GIPC2: variants seen among roughly 807,000 people sequenced by gnomAD.
GIPC2 encodes the protein PDZ domain-containing protein GIPC2.
GIPC2 carries 30 observed loss-of-function variants against 30.6 expected under a neutral mutation model. That is an observed-to-expected ratio of 0.98 (90% confidence interval 0.73 to 1.33). The LOEUF (loss-of-function observed/expected upper bound fraction) is 1.33. Among genes scored for constraint, GIPC2 ranks in the 40% most tolerant of loss-of-function variants. GIPC2 has a pLI of 0.00. For missense variants in GIPC2, 414 were observed against 390.3 expected (o/e 1.06, Z -0.51); for synonymous variants, 167 against 150.0 (o/e 1.11, Z -0.83).
intron 4 of GIPC2, among the ~76,000 whole-genome samples, chr1:78,123,651 A>G (rs1423698840): frequency 6.6e-6 from 1 of 152,218 alleles, no homozygotes; most frequent in East Asian, 1.9e-4. Context: ...ATCAGAAAAG[A>G]TGAGGACTAA....
chr1:78,123,027 A>T (rs1035120093), intron 4 of GIPC2, among the ~76,000 whole-genome samples: 1 of 152,076 alleles, frequency 6.6e-6, no homozygotes, highest in Non-Finnish European at 1.5e-5. Context: ...TGGAAGACTG[A>T]TGTGGGTGGG....
intron 1 of GIPC2, among the ~76,000 whole-genome samples, chr1:78,068,818 T>C (rs1661566910): frequency 6.6e-6 from 1 of 152,120 alleles, no homozygotes; most frequent in Non-Finnish European, 1.5e-5. Flanking sequence ...CTCATAAAAA[T>C]AGAAGCAGGT....
intron 3 of GIPC2, 32 bp downstream of exon 3, chr1:78,095,164 A>C: frequency 6.7e-7 from 1 of 1,489,066 alleles, no homozygotes; most frequent in South Asian, 1.2e-5. Context: ...GGGTGTGTGA[A>C]ATGTTTGCTT....
chr1:78,079,946 A>G (rs953196276), intron 1 of GIPC2, among the ~76,000 whole-genome samples: 1 of 152,070 alleles, frequency 6.6e-6, no homozygotes, highest in Non-Finnish European at 1.5e-5. Flanking sequence ...TTACTGTCAC[A>G]TGAATTGGTA....
chr1:78,075,096 T>G (rs1333606127), intron 1 of GIPC2, among the ~76,000 whole-genome samples: 1 of 152,206 alleles, frequency 6.6e-6, no homozygotes, highest in East Asian at 1.9e-4. Flanking sequence ...CAGCGTGTTT[T>G]CAGCTGCAAG....
At chr1:78,105,574 C>T (rs1662334684) in intron 3 of GIPC2, among the ~76,000 whole-genome samples, 1 of 152,262 alleles carries the variant, frequency 6.6e-6, no homozygotes, top group South Asian at 2.1e-4. Context: ...GCATGAGCCA[C>T]CTTGCCCGAC....
chr1:78,114,432 GA>G (rs1185121911), intron 3 of GIPC2, among the ~76,000 whole-genome samples: 1 of 152,184 alleles, frequency 6.6e-6, no homozygotes, highest in Non-Finnish European at 1.5e-5. Flanking sequence ...CCCTGTGGAT[GA>G]ACAGGACCAT....
intron 1 of GIPC2, among the ~76,000 whole-genome samples, chr1:78,079,732 A>G (rs1484414605): frequency 2.6e-5 from 4 of 152,186 alleles, no homozygotes; most frequent in Non-Finnish European, 5.9e-5. Flanking sequence ...ATACCTTTTC[A>G]ACCCTGCTTC....
chr1:78,112,442 T>C, intron 3 of GIPC2: 1 of 519,080 alleles, frequency 1.9e-6, no homozygotes, highest in Non-Finnish European at 3.8e-6. Context: ...TCTTGTTCAC[T>C]GAGCAACTTG....
chr1:78,088,248 G>A (rs930588528), intron 2 of GIPC2, among the ~76,000 whole-genome samples: 2 of 152,214 alleles, frequency 1.3e-5, no homozygotes, highest in Non-Finnish European at 2.9e-5. Context: ...CCATTACTGG[G>A]TGTATACCCA....
chr1:78,081,937 T>A (rs1661836548), intron 2 of GIPC2, among the ~76,000 whole-genome samples: 1 of 152,200 alleles, frequency 6.6e-6, no homozygotes, highest in Non-Finnish European at 1.5e-5. Context: ...ATCACCCAGA[T>A]CAGGATAAAT....
chr1:78,079,752 A>G (rs895330615), intron 1 of GIPC2, among the ~76,000 whole-genome samples: 2 of 152,176 alleles, frequency 1.3e-5, no homozygotes, highest in Non-Finnish European at 2.9e-5. Flanking sequence ...CTCTTCTTCT[A>G]TAATTTGGGC....
chr1:78,109,706 A>C (rs1007223518), intron 3 of GIPC2, among the ~76,000 whole-genome samples: 1 of 152,330 alleles, frequency 6.6e-6, no homozygotes, highest in South Asian at 2.1e-4. Flanking sequence ...TACCTTGACT[A>C]TCCCTAGATG....
intron 1 of GIPC2, among the ~76,000 whole-genome samples, chr1:78,060,376 C>T (rs1335356388): frequency 1.3e-5 from 2 of 152,108 alleles, no homozygotes; most frequent in East Asian, 3.8e-4. Flanking sequence ...AACTCCTGAG[C>T]TCAAGCAATT....
At chr1:78,086,182 CCCA>C (rs1276254165) in intron 2 of GIPC2, among the ~76,000 whole-genome samples, 1 of 152,120 alleles carries the variant, frequency 6.6e-6, no homozygotes, top group African/African-American at 2.4e-5. Context: ...TCACTATTTA[CCCA>C]AAAGTCATTC....
intron 1 of GIPC2, among the ~76,000 whole-genome samples, chr1:78,068,512 T>C (rs956050662): frequency 6.6e-6 from 1 of 152,148 alleles, no homozygotes; most frequent in Non-Finnish European, 1.5e-5. Context: ...TTTGATCAGC[T>C]TAATATAAAC....
intron 3 of GIPC2, among the ~76,000 whole-genome samples, chr1:78,113,668 C>T (rs369744138): frequency 3.3e-5 from 5 of 152,170 alleles, no homozygotes; most frequent in African/African-American, 9.7e-5. Context: ...GGATTAGAGG[C>T]GTGAGCCATG....
chr1:78,048,880 A>G (rs571446285), intron 1 of GIPC2, among the ~76,000 whole-genome samples: 70 of 152,348 alleles, frequency 4.6e-4, no homozygotes, highest in African/African-American at 1.6e-3. Flanking sequence ...ATCAAAGTTT[A>G]TAACATTTTA....
chr1:78,098,166 A>T (rs1162704264), intron 3 of GIPC2, among the ~76,000 whole-genome samples: 1 of 152,060 alleles, frequency 6.6e-6, no homozygotes, highest in African/African-American at 2.4e-5. Context: ...TTGGAGGGAG[A>T]AGCGTATTGT....
Sources: gnomAD v4.1 joint callset for allele counts (sites outside exome capture counted in the v4.1 genomes callset) on GRCh38, gnomAD v4.1.1 for gene constraint, MANE v1.5 for transcripts, NCBI Gene and HGNC (gene_info 2026-07-23, HGNC 2026-07-21) for gene names.